Variants in UACA observed in about 807,000 individuals in gnomAD.
UACA encodes the protein uveal autoantigen with coiled-coil domains and ankyrin repeats.
In UACA, 112 loss-of-function variants were observed where a neutral mutation model predicts 160.5. The observed-to-expected ratio is 0.70, with a 90% CI of 0.60 to 0.82. UACA has a LOEUF of 0.82. Ranked by LOEUF, UACA falls within the 40% of genes least tolerant of loss-of-function variation. The probability of loss-of-function intolerance (pLI) is 0.00; values close to 1 mark genes in which losing one functional copy is unlikely to be tolerated. For synonymous variants in UACA, 557 were observed against 568.4 expected (o/e 0.98, Z 0.29); for missense variants, 1,574 against 1,614.6 (o/e 0.97, Z 0.43).
At chr15:70,721,961 A>T (rs961534570) in intron 1 of UACA, among the ~76,000 whole-genome samples, 2 of 152,232 alleles carry the variant, frequency 1.3e-5, no homozygotes, top group African/African-American at 4.8e-5. Context: ...TGATTCCATG[A>T]ACTCAGTTCT....
intron 1 of UACA, among the ~76,000 whole-genome samples, chr15:70,735,505 T>C (rs1899338158): frequency 6.6e-6 from 1 of 152,050 alleles, no homozygotes; most frequent in Admixed American, 6.5e-5. Flanking sequence ...GTTTATTCTC[T>C]CAATTAAAAA....
chr15:70,727,630 T>C (rs1447423853), intron 1 of UACA, among the ~76,000 whole-genome samples: 1 of 152,224 alleles, frequency 6.6e-6, no homozygotes, highest in African/African-American at 2.4e-5. Context: ...TTTATTTGTC[T>C]CGTTCAGGTT....
intron 2 of UACA, 74 bp from the exon 3 acceptor site, chr15:70,695,179 C>A: frequency 1.0e-6 from 1 of 992,298 alleles, no homozygotes; most frequent in Non-Finnish European, 1.5e-6. Context: ...TTAATGTCAC[C>A]CTTTTTCAAC....
At chr15:70,723,731 C>T (rs112583050) in intron 1 of UACA, among the ~76,000 whole-genome samples, 16 of 151,396 alleles carry the variant, frequency 1.1e-4, no homozygotes, top group African/African-American at 3.9e-4. Flanking sequence ...CTCCCAGGTT[C>T]ACGCCATTCT....
rs1897244763 is a variant in UACA, at chr15:70,674,496, T to A, written c.1131+1997A>T. ...AATATACTTTCTTATTTTTCTAAAGTAAATAAGTATTTTTATAAGAAAAAT... is the reference window on the plus strand; with the variant it reads ...AATATACTTTCTTATTTTTCTAAAGAAAATAAGTATTTTTATAAGAAAAAT... On this transcript the variant is annotated intron_variant, in intron 13 of 18. Coordinates refer to ENST00000322954, the MANE Select transcript of UACA (RefSeq NM_018003.4). Among the ~76,000 whole-genome samples the A allele has an allele frequency of 4.6e-5, 7 of 152,074 alleles. No individual in the cohort carries two copies. In the South Asian group the frequency reaches 1.5e-3, roughly 32 times the overall value.
intron 1 of UACA, among the ~76,000 whole-genome samples, chr15:70,700,318 T>TACACAC (rs34361847): frequency 1.6e-4 from 23 of 139,770 alleles, no homozygotes; most frequent in African/African-American, 4.1e-4. Context: ...TATATATATA[T>TACACAC]ACACACACAC....
chr15:70,714,155 G>A (rs1898761499), intron 1 of UACA, among the ~76,000 whole-genome samples: 1 of 152,156 alleles, frequency 6.6e-6, no homozygotes, highest in African/African-American at 2.4e-5. Context: ...AGCTTACGAA[G>A]CATAAACATT....
the UACA span, among the ~76,000 whole-genome samples, chr15:70,770,930 C>G: frequency 3.3e-5 from 5 of 152,174 alleles, no homozygotes; most frequent in African/African-American, 1.2e-4. Flanking sequence ...TTAGGCAAGT[C>G]AAACCCCAGC....
chr15:70,772,071 A>G, the UACA span, among the ~76,000 whole-genome samples: 1 of 152,204 alleles, frequency 6.6e-6, no homozygotes, highest in Non-Finnish European at 1.5e-5. Context: ...AGCTAGGGAG[A>G]TAACTGATCA....
intron 1 of UACA, among the ~76,000 whole-genome samples, chr15:70,724,563 T>G (rs1209944384): frequency 6.6e-6 from 1 of 152,086 alleles, no homozygotes; most frequent in Admixed American, 6.5e-5. Context: ...CTACACAGTT[T>G]TACTTTTCAA....
chr15:70,676,509 C>A lies in UACA; in HGVS notation c.1115G>T (p.Arg372Ile), dbSNP rs748323152. The change falls in exon 13 of 19, where the codon AGA becomes ATA. Residue 372 changes from arginine to isoleucine, a missense_variant. By Grantham distance (97) the Arg-to-Ile change is moderately conservative. Transcript: ENST00000322954. Reference protein sequence around the residue: ...SLRTIEALKNRFKYFESDHLG... With the variant: ...SLRTIEALKNIFKYFESDHLG... ...TTTCTATACCTCAAAATATTTAAAT[C>A]TATTTTTCAGAGCCTCAATAGTCCT... The A allele has an allele frequency of 2.4e-4, 391 of 1,609,372 alleles. 4 individuals carry two copies. The East Asian group carries it at 8.7e-3, about 36-fold the overall frequency.
At chr15:70,715,495 A>G (rs965794474) in intron 1 of UACA, among the ~76,000 whole-genome samples, 1 of 152,232 alleles carries the variant, frequency 6.6e-6, no homozygotes, top group African/African-American at 2.4e-5. Flanking sequence ...TACTAAACTG[A>G]AAACAAACAT....
chr15:70,740,953 C>A (rs1899515832), intron 1 of UACA, among the ~76,000 whole-genome samples: 1 of 151,820 alleles, frequency 6.6e-6, no homozygotes, highest in Non-Finnish European at 1.5e-5. Flanking sequence ...GCAGGAGAAT[C>A]GCTTGAACCT....
chr15:70,676,449 A>AT (rs1566969911), intron 13 of UACA, 44 bp downstream of exon 13: 7 of 1,306,304 alleles, frequency 5.4e-6, no homozygotes, highest in Non-Finnish European at 6.6e-6. Flanking sequence ...GAGCCTTACC[A>AT]TTACCCATTA....
At chr15:70,724,210 C>A (rs1371949150) in intron 1 of UACA, among the ~76,000 whole-genome samples, 1 of 152,132 alleles carries the variant, frequency 6.6e-6, no homozygotes, top group African/African-American at 2.4e-5. Flanking sequence ...TTAACAAATA[C>A]TGCAATTAAA....
chr15:70,703,730 T>G (rs920567092), intron 1 of UACA, among the ~76,000 whole-genome samples: 4 of 152,054 alleles, frequency 2.6e-5, no homozygotes, highest in Non-Finnish European at 5.9e-5. Context: ...TGTCCTAGTA[T>G]TATGGATGTC....
chr15:70,676,347 A>G (rs1897303558), intron 13 of UACA, 146 bp downstream of exon 13: 1 of 578,846 alleles, frequency 1.7e-6, no homozygotes, highest in African/African-American at 1.9e-5. Context: ...CAGTTTTGCC[A>G]AAGAGGCAAC....
chr15:70,666,963 A>G lies in UACA; in HGVS notation c.3721T>C (p.Ser1241Pro). The change falls in exon 16 of 19, where the codon TCT becomes CCT. Residue 1241 changes from serine to proline, a missense_variant. Physicochemically the swap from Ser to Pro is moderately conservative, Grantham distance 74 (BLOSUM62 -1). Transcript: ENST00000322954. ...ATKSDLETQI[S>P]SLNEKLANLN... is the part of the protein sequence containing the mutation. ...TTGGCCAATTTTTCATTTAAGCTAG[A>G]AATCTGTGTCTCCAAATCACTTTTT... 1.9e-6 allele frequency: 3 copies of G among 1,612,604 alleles called. No homozygotes were observed. Among genetic ancestry groups the G allele is most frequent in the Non-Finnish European group, 2.5e-6 (3 of 1,179,738 alleles).
At chr15:70,699,790 T>A in intron 1 of UACA, 130 bp from the exon 2 acceptor site, 4 of 1,033,712 alleles carry the variant, frequency 3.9e-6, no homozygotes, top group Non-Finnish European at 5.4e-6. Flanking sequence ...GCATTCCAAA[T>A]TTCCTTCTCC....
Sources: gnomAD v4.1 joint callset for allele counts (sites outside exome capture counted in the v4.1 genomes callset) on GRCh38, gnomAD v4.1.1 for gene constraint, MANE v1.5 for transcripts, NCBI Gene and HGNC (gene_info 2026-07-23, HGNC 2026-07-21) for gene names.